CCSER1: variants seen among roughly 807,000 people sequenced by gnomAD.
CCSER1 encodes coiled-coil serine rich protein 1.
CCSER1 carries 41 observed loss-of-function variants against 82.0 expected under a neutral mutation model. The ratio of observed to expected loss-of-function variants is 0.50; its 90% CI spans 0.39 to 0.65. The LOEUF (loss-of-function observed/expected upper bound fraction) is 0.65. Ranked by LOEUF, CCSER1 falls within the 30% of genes least tolerant of loss-of-function variation. The pLI is 0.00. For missense variants in CCSER1, 1,119 were observed against 1,064.2 expected, an observed-to-expected ratio of 1.05 and a Z score of -0.72; for synonymous variants, 414 against 383.9, an observed-to-expected ratio of 1.08 and a Z score of -0.92.
At chr4:91,412,258 A>G (rs1013315343) in intron 10 of CCSER1, among the ~76,000 whole-genome samples, 2 of 151,978 alleles carry the variant, frequency 1.3e-5, no homozygotes, top group African/African-American at 4.8e-5. Context: ...TCCACCGAGG[A>G]ATCAGGGAAG....
chr4:90,234,178 C>G, intron 1 of CCSER1, among the ~76,000 whole-genome samples: 1 of 150,306 alleles, frequency 6.7e-6, no homozygotes, highest in South Asian at 2.1e-4. Flanking sequence ...TAACATTTAT[C>G]TGGGTGGGCC....
intron 5 of CCSER1, among the ~76,000 whole-genome samples, chr4:90,525,959 G>A (rs1773708492): frequency 6.6e-6 from 1 of 151,984 alleles, no homozygotes. Flanking sequence ...TTTCTTGTTT[G>A]TAGCATCTAT....
chr4:90,391,935 A>C (rs987222219), intron 3 of CCSER1, among the ~76,000 whole-genome samples: 1 of 151,982 alleles, frequency 6.6e-6, no homozygotes. Context: ...TTGAAGAGAA[A>C]TGTTGCTTTC....
At chr4:90,759,691 GA>G (rs1426903052) in intron 7 of CCSER1, among the ~76,000 whole-genome samples, 2 of 152,124 alleles carry the variant, frequency 1.3e-5, no homozygotes, top group African/African-American at 2.4e-5. Flanking sequence ...CGAAGAACTA[GA>G]AAATTGTTTG....
intron 10 of CCSER1, among the ~76,000 whole-genome samples, chr4:91,121,960 T>C (rs1360918274): frequency 6.6e-6 from 1 of 151,700 alleles, no homozygotes; most frequent in Non-Finnish European, 1.5e-5. Context: ...TTTTAACATA[T>C]AAAAAGTCAT....
intron 6 of CCSER1, among the ~76,000 whole-genome samples, chr4:90,657,572 T>C (rs1486583221): frequency 2.0e-5 from 3 of 152,188 alleles, no homozygotes; most frequent in Non-Finnish European, 4.4e-5. Context: ...TTGTTGTTTT[T>C]TGTTTCCATG....
chr4:90,508,330 A>T (rs928325341), intron 5 of CCSER1, among the ~76,000 whole-genome samples: 1 of 152,052 alleles, frequency 6.6e-6, no homozygotes, highest in Admixed American at 6.6e-5. Flanking sequence ...GTCCTTCAAC[A>T]ATCTGGTTTA....
chr4:90,485,595 C>T (rs566652229), intron 5 of CCSER1, among the ~76,000 whole-genome samples: 1 of 150,994 alleles, frequency 6.6e-6, no homozygotes, highest in East Asian at 2.0e-4. Flanking sequence ...AAACATATAC[C>T]ATATACCTAT....
chr4:90,511,272 G>T (rs1378808575), intron 5 of CCSER1, among the ~76,000 whole-genome samples: 9 of 152,180 alleles, frequency 5.9e-5, no homozygotes, highest in Admixed American at 5.2e-4. Flanking sequence ...ACAAAAACTA[G>T]CCGGGCGTGG....
intron 6 of CCSER1, among the ~76,000 whole-genome samples, chr4:90,651,659 T>C (rs2870256): frequency 0.51 from 77,992 of 151,442 alleles, 20,323 homozygotes; most frequent in Middle Eastern, 0.68. Context: ...GCACGTTCTC[T>C]GCATGCATCC....
chr4:91,466,351 A>T (rs751895656), intron 10 of CCSER1, among the ~76,000 whole-genome samples: 3 of 152,152 alleles, frequency 2.0e-5, no homozygotes, highest in East Asian at 1.9e-4. Context: ...ATGGGACGTA[A>T]CTCAAAATAA....
intron 3 of CCSER1, among the ~76,000 whole-genome samples, chr4:90,330,521 T>C (rs1739084870): frequency 6.6e-6 from 1 of 152,132 alleles, no homozygotes; most frequent in Non-Finnish European, 1.5e-5. Flanking sequence ...CTGAGCCAAG[T>C]GGGTGCCAGA....
At chr4:90,243,071 T>C (rs1446941429) in intron 1 of CCSER1, among the ~76,000 whole-genome samples, 1 of 143,254 alleles carries the variant, frequency 7.0e-6, no homozygotes, top group Non-Finnish European at 1.5e-5. Context: ...TCTTTTTTTT[T>C]TTTTTTTTTT....
intron 10 of CCSER1, among the ~76,000 whole-genome samples, chr4:91,399,631 C>T (rs1439581384): frequency 1.3e-5 from 2 of 151,898 alleles, no homozygotes; most frequent in Non-Finnish European, 2.9e-5. Context: ...AACATGTACT[C>T]ATCAGCTTTC....
intron 10 of CCSER1, among the ~76,000 whole-genome samples, chr4:91,480,442 G>C (rs1429116445): frequency 1.3e-5 from 2 of 152,116 alleles, no homozygotes; most frequent in Non-Finnish European, 2.9e-5. Context: ...ATTCTAACTG[G>C]TGTGAGATGG....
intron 6 of CCSER1, among the ~76,000 whole-genome samples, chr4:90,662,835 C>G (rs988078758): frequency 6.6e-6 from 1 of 152,120 alleles, no homozygotes; most frequent in Non-Finnish European, 1.5e-5. Flanking sequence ...AGTGGGATCT[C>G]TGTATCTGAT....
At chr4:90,749,632 A>G (rs1285291028) in intron 7 of CCSER1, among the ~76,000 whole-genome samples, 1 of 152,072 alleles carries the variant, frequency 6.6e-6, no homozygotes, top group African/African-American at 2.4e-5. Context: ...CTTGGGCAGT[A>G]TGGCCATTTT....
At chr4:90,502,474 C>T (rs1770043491) in intron 5 of CCSER1, among the ~76,000 whole-genome samples, 1 of 152,272 alleles carries the variant, frequency 6.6e-6, no homozygotes, top group Admixed American at 6.5e-5. Flanking sequence ...TGTGGGTGCA[C>T]AGAGCCAAAC....
At chr4:90,649,072 A>C (rs970405266) in intron 6 of CCSER1, among the ~76,000 whole-genome samples, 4 of 152,224 alleles carry the variant, frequency 2.6e-5, no homozygotes, top group African/African-American at 9.6e-5. Flanking sequence ...TTCACTATTA[A>C]AATGGCCAAG....
Sources: allele counts gnomAD v4.1 joint callset (sites outside exome capture counted in the v4.1 genomes callset), GRCh38; gene constraint gnomAD v4.1.1; transcripts MANE v1.5; gene names NCBI Gene and HGNC (gene_info 2026-07-23, HGNC 2026-07-21).